The following CERS6 variants were observed in gnomAD, a reference collection of about 807,000 sequenced individuals.
The protein encoded by CERS6 is LAG1 homolog, ceramide synthase 6.
A neutral mutation model predicts 56.8 loss-of-function variants in CERS6; 26 were observed. The ratio of observed to expected loss-of-function variants is 0.46; its 90% CI spans 0.34 to 0.63. CERS6 has a LOEUF of 0.63. Ranked by LOEUF, CERS6 falls within the 30% of genes least tolerant of loss-of-function variation. The probability of loss-of-function intolerance (pLI) is 0.01; values close to 1 mark genes in which losing one functional copy is unlikely to be tolerated. For synonymous variants in CERS6, 164 were observed against 173.3 expected, an observed-to-expected ratio of 0.95 and a Z score of 0.42; for missense variants, 415 against 467.5, an observed-to-expected ratio of 0.89 and a Z score of 1.04.
At position 168,765,763 on chromosome 2, in the gene CERS6, A is replaced by T. The variant is rs373773691; in HGVS notation, c.1002+15A>T. On this transcript the variant is annotated intron_variant, in intron 9 of 9. Coordinates refer to ENST00000305747, the MANE Select transcript of CERS6 (RefSeq NM_203463.3). ...CAAGAGGCAAGGTAAGCTACAACTC[A>T]CTTTTTCCAATATGTCTTAAAAAAT... The T allele has an allele frequency of 6.4e-5, 102 of 1,598,820 alleles. No individual in the cohort carries two copies. Among genetic ancestry groups the T allele is most frequent in the Non-Finnish European group, 8.0e-5 (94 of 1,173,560 alleles).
chr2:168,633,883 C>G (rs1000808542), intron 4 of CERS6, among the ~76,000 whole-genome samples: 3 of 152,202 alleles, frequency 2.0e-5, no homozygotes, highest in African/African-American at 7.2e-5. Context: ...GGAAAATTCT[C>G]ATAATACCAG....
rs747581204 is a variant in CERS6 at position 168,772,567 on chromosome 2, C to A, written c.*2905C>A. 1 of 152,600 alleles carries A rather than the reference C, an allele frequency of 6.6e-6. No homozygotes were observed. Among genetic ancestry groups the A allele is most frequent in the South Asian group, 2.1e-4 (1 of 4,820 alleles). The allele number at this position is 152,600 out of a possible 1,614,324, so 9.5% of individuals were successfully genotyped here. ...CCTCCTGTTCATGTTCCCCACACACCTGAAGGTGGTAGAATCTTTTCAGCC... is the reference window on the plus strand; with the variant it reads ...CCTCCTGTTCATGTTCCCCACACACATGAAGGTGGTAGAATCTTTTCAGCC... On this transcript the variant is annotated 3_prime_UTR_variant, in exon 10 of 10. Transcript: ENST00000305747.
At chr2:168,490,938 A>G (rs1333682784) in intron 1 of CERS6, among the ~76,000 whole-genome samples, 2 of 152,214 alleles carry the variant, frequency 1.3e-5, no homozygotes, top group Non-Finnish European at 2.9e-5. Flanking sequence ...AACTTAAAAC[A>G]GCAATTTTCT....
intron 8 of CERS6, among the ~76,000 whole-genome samples, chr2:168,730,675 G>T (rs566133892): frequency 2.6e-5 from 4 of 152,040 alleles, no homozygotes; most frequent in East Asian, 1.9e-4. Context: ...ATGTCTCTCA[G>T]GGCAAGTTGC....
chr2:168,555,580 A>T (rs1321543203), intron 2 of CERS6, among the ~76,000 whole-genome samples: 3 of 152,054 alleles, frequency 2.0e-5, no homozygotes, highest in Non-Finnish European at 2.9e-5. Context: ...TACCAAAGGC[A>T]GCTAAATCGA....
intron 1 of CERS6, among the ~76,000 whole-genome samples, chr2:168,467,507 T>A (rs1693901910): frequency 6.6e-6 from 1 of 152,238 alleles, no homozygotes; most frequent in Non-Finnish European, 1.5e-5. Flanking sequence ...CTTTTGTATA[T>A]CTATTGCAAT....
At chr2:168,711,917 T>C (rs1687101938) in intron 6 of CERS6, among the ~76,000 whole-genome samples, 1 of 151,470 alleles carries the variant, frequency 6.6e-6, no homozygotes, top group African/African-American at 2.4e-5. Context: ...CACTTATGTT[T>C]AAAATAGAAA....
chr2:168,460,988 G>C (rs1462528282), intron 1 of CERS6, among the ~76,000 whole-genome samples: 2 of 152,154 alleles, frequency 1.3e-5, no homozygotes, highest in African/African-American at 4.8e-5. Flanking sequence ...GAGCGAGAGA[G>C]AGAGAGAGTG....
At chr2:168,529,959 C>T (rs1294041070) in intron 1 of CERS6, among the ~76,000 whole-genome samples, 1 of 150,642 alleles carries the variant, frequency 6.6e-6, no homozygotes, top group African/African-American at 2.4e-5. Context: ...GTCACAGGGG[C>T]CTATAAGACA....
chr2:168,644,726 A>G (rs1685131471), intron 4 of CERS6, among the ~76,000 whole-genome samples: 1 of 152,152 alleles, frequency 6.6e-6, no homozygotes, highest in Non-Finnish European at 1.5e-5. Flanking sequence ...AGGAAGACTT[A>G]CCAGGCACTG....
At chr2:168,730,908 A>C (rs62174444) in intron 8 of CERS6, among the ~76,000 whole-genome samples, 4,594 of 152,254 alleles carry the variant, frequency 0.03, 117 homozygotes, top group East Asian at 0.071. Context: ...AGAAATGTAG[A>C]ATCTAGGACT....
Position 168,582,222 on chromosome 2 carries a change from C to G in CERS6, c.407+20900C>G, listed in dbSNP as rs140394216. ...GGTCCCAGCTTAATATGCGCAGTGT[C>G]TTCTATAATATCCTCCACATTAGGT... On this transcript the variant is annotated intron_variant, in intron 3 of 9. Coordinates refer to ENST00000305747, the MANE Select transcript of CERS6 (RefSeq NM_203463.3). 4.6e-3 allele frequency among the ~76,000 whole-genome samples: 695 copies of G among 152,288 alleles called. 7 individuals carry two copies. The highest frequency in any genetic ancestry group is 0.016 in the African/African-American group (649 of 41,564).
intron 8 of CERS6, among the ~76,000 whole-genome samples, chr2:168,725,125 G>A (rs992318947): frequency 2.0e-5 from 3 of 152,224 alleles, no homozygotes; most frequent in Non-Finnish European, 2.9e-5. Flanking sequence ...TACACCCTCC[G>A]CAGCCGCTGG....
intron 8 of CERS6, among the ~76,000 whole-genome samples, chr2:168,728,834 C>T (rs1442568183): frequency 1.3e-5 from 2 of 150,504 alleles, no homozygotes; most frequent in Non-Finnish European, 3.0e-5. Context: ...GGTGAAACCC[C>T]ATCTCTACTA....
intron 4 of CERS6, among the ~76,000 whole-genome samples, chr2:168,674,133 A>C (rs1037519247): frequency 1.3e-5 from 2 of 152,254 alleles, no homozygotes; most frequent in African/African-American, 4.8e-5. Flanking sequence ...CATGTGCAAG[A>C]AAAGTCAAGC....
At chr2:168,729,592 A>T (rs538757675) in intron 8 of CERS6, among the ~76,000 whole-genome samples, 1 of 152,308 alleles carries the variant, frequency 6.6e-6, no homozygotes, top group Non-Finnish European at 1.5e-5. Flanking sequence ...CCTTCCCTGC[A>T]GAATCCCAGA....
At chr2:168,482,349 T>G (rs772996618) in intron 1 of CERS6, among the ~76,000 whole-genome samples, 3 of 152,170 alleles carry the variant, frequency 2.0e-5, no homozygotes, top group Non-Finnish European at 4.4e-5. Flanking sequence ...GACAAGTGAG[T>G]GAGTCTGTGC....
At chr2:168,507,515 G>C (rs961012099) in intron 1 of CERS6, among the ~76,000 whole-genome samples, 1 of 152,126 alleles carries the variant, frequency 6.6e-6, no homozygotes, top group Non-Finnish European at 1.5e-5. Flanking sequence ...GTTCCTCTAA[G>C]AGCATTGCGT....
At chr2:168,515,334 A>C (rs995580046) in intron 1 of CERS6, among the ~76,000 whole-genome samples, 1 of 152,198 alleles carries the variant, frequency 6.6e-6, no homozygotes, top group Non-Finnish European at 1.5e-5. Flanking sequence ...CGGCATGTAA[A>C]TTAAGAAAGT....
Sources: allele counts gnomAD v4.1 joint callset (sites outside exome capture counted in the v4.1 genomes callset), GRCh38; gene constraint gnomAD v4.1.1; transcripts MANE v1.5; gene names NCBI Gene and HGNC (gene_info 2026-07-23, HGNC 2026-07-21).